Variants in VPS13B observed in about 807,000 individuals in gnomAD.
The protein encoded by VPS13B is vacuolar protein sorting 13 homolog B.
A neutral mutation model predicts 426.4 loss-of-function variants in VPS13B; 285 were observed. The observed-to-expected ratio is 0.67, with a 90% confidence interval of 0.61 to 0.74. The LOEUF is 0.74. Among genes scored for constraint, VPS13B ranks in the 30% least tolerant of loss-of-function variants. The pLI is 0.00. For missense variants in VPS13B, 4,537 were observed against 4,782.6 expected, an observed-to-expected ratio of 0.95 and a Z score of 1.51; for synonymous variants, 1,676 against 1,676.4, an observed-to-expected ratio of 1.00 and a Z score of 0.01.
intron 17 of VPS13B, among the ~76,000 whole-genome samples, chr8:99,219,410 G>T (rs969027119): frequency 6.6e-6 from 1 of 152,200 alleles, no homozygotes; most frequent in Non-Finnish European, 1.5e-5. Flanking sequence ...CTGCAGCTTG[G>T]CTTCAAGTGG....
chr8:99,813,272 TA>T (rs1813826833), intron 44 of VPS13B, among the ~76,000 whole-genome samples: 1 of 152,142 alleles, frequency 6.6e-6, no homozygotes, highest in South Asian at 2.1e-4. Flanking sequence ...AATGAGACTA[TA>T]AAAACCCACC....
Position 99,853,580 on chromosome 8 carries a change from T to G in VPS13B, c.10191T>G (p.Cys3397Trp). The change falls in exon 56 of 62, where the codon TGT becomes TGG. Residue 3397 changes from cysteine to tryptophan, a missense_variant. Physicochemically the swap from Cys to Trp is radical, Grantham distance 215. Transcript: ENST00000357162. ...TCACACTGGACAACATTTTTCTCTG[T>G]GTGGCCCCGGGAGCTGGTCCCCTCC... ...LRLTLDNIFL[C>W]VAPGAGPLPG... 1 of 1,614,206 alleles carries G rather than the reference T, an allele frequency of 6.2e-7. No homozygotes were observed. Among genetic ancestry groups the G allele is most frequent in the Non-Finnish European group, 8.5e-7 (1 of 1,180,034 alleles).
intron 3 of VPS13B, among the ~76,000 whole-genome samples, chr8:99,054,608 G>A (rs990473980): frequency 6.6e-6 from 1 of 152,040 alleles, no homozygotes; most frequent in Non-Finnish European, 1.5e-5. Context: ...TAGTGCTTTC[G>A]GTGTTATATC....
chr8:99,131,228 C>T (rs903075961), intron 8 of VPS13B, among the ~76,000 whole-genome samples: 4 of 152,092 alleles, frequency 2.6e-5, no homozygotes, highest in African/African-American at 9.7e-5. Flanking sequence ...TATGTTATCA[C>T]AGTATATTTG....
intron 35 of VPS13B, among the ~76,000 whole-genome samples, chr8:99,680,940 A>G (rs1015269889): frequency 1.3e-5 from 2 of 152,158 alleles, no homozygotes; most frequent in African/African-American, 2.4e-5. Flanking sequence ...ATTTTTATCA[A>G]TTTTTTAAAA....
Position 99,832,448 on chromosome 8 carries a change from C to T in VPS13B, c.9410C>T (p.Pro3137Leu), listed in dbSNP as rs1815131453. Reference sequence around the variant, plus strand: ...CCTGCTATGAAATCCAGCTCCCTTCCTTGCTGGGACTTGATGCCTGACATC... The same window carrying T: ...CCTGCTATGAAATCCAGCTCCCTTCTTTGCTGGGACTTGATGCCTGACATC... ...EQPAMKSSSL[P>L]CWDLMPDISQ... The change falls in exon 52 of 62, where the codon CCT becomes CTT. Residue 3137 changes from proline (P) to leucine (L), a missense_variant. Pro to Leu is a moderately conservative substitution (Grantham distance 98). Around this residue, in one of 2 missense-constraint regions of VPS13B, gnomAD observed 4,311 missense variants for 4,474.3 expected, o/e 0.96. Coordinates refer to ENST00000357162, the MANE Select transcript of VPS13B (RefSeq NM_152564.5). The T allele has an allele frequency of 1.9e-6, 3 of 1,604,292 alleles. No individual in the cohort carries two copies. The highest frequency in any genetic ancestry group is 2.7e-5 in the African/African-American group (2 of 73,412).
At chr8:99,463,119 A>T (rs1432504413) in intron 23 of VPS13B, among the ~76,000 whole-genome samples, 1 of 152,198 alleles carries the variant, frequency 6.6e-6, no homozygotes, top group Non-Finnish European at 1.5e-5. Flanking sequence ...CTGTTATAAT[A>T]TTCACATTTT....
chr8:99,536,688 T>TC (rs768982184), intron 30 of VPS13B: 1 of 534,574 alleles, frequency 1.9e-6, no homozygotes, highest in South Asian at 1.4e-5. Flanking sequence ...AGAATCCCTG[T>TC]CCCATGTCAG....
At position 99,737,206 on chromosome 8, in the gene VPS13B, C is replaced by T. The variant is rs372750451; in HGVS notation, c.7050+16159C>T. Among the ~76,000 whole-genome samples the T allele has an allele frequency of 2.8e-4, 39 of 141,738 alleles. 1 individual carries two copies. The highest frequency in any genetic ancestry group is 9.4e-4 in the African/African-American group (35 of 37,046). 93.0% of individuals were successfully genotyped at this position (141,738 alleles called of 152,430 possible). A position where few individuals can be genotyped will look rare whatever the true frequency, so the allele number is the denominator to read the frequency against. On this transcript the variant is annotated intron_variant, in intron 39 of 61. Transcript: ENST00000357162. ...CGCGATCTCTGCTCACTGCAAGCTC[C>T]GCCTCCCGGGTTCATGCCATTCTCC...
intron 17 of VPS13B, among the ~76,000 whole-genome samples, chr8:99,243,214 C>T (rs535526763): frequency 6.6e-6 from 1 of 152,238 alleles, no homozygotes; most frequent in Non-Finnish European, 1.5e-5. Context: ...AAACCAAGTA[C>T]CTCAATTTCC....
At chr8:99,653,274 G>T (rs550617395) in intron 34 of VPS13B, among the ~76,000 whole-genome samples, 2 of 152,284 alleles carry the variant, frequency 1.3e-5, no homozygotes, top group African/African-American at 4.8e-5. Context: ...TTTTAGACAC[G>T]AGGAAAAGAT....
chr8:99,030,155 T>TA (rs1554574348), intron 2 of VPS13B, among the ~76,000 whole-genome samples: 1 of 144,304 alleles, frequency 6.9e-6, no homozygotes, highest in Non-Finnish European at 1.5e-5. Context: ...TTTTTTTTTT[T>TA]ACTTAATAGT....
intron 3 of VPS13B, among the ~76,000 whole-genome samples, chr8:99,078,413 C>G (rs960517075): frequency 1.1e-4 from 17 of 151,496 alleles, no homozygotes; most frequent in African/African-American, 4.1e-4. Flanking sequence ...TGCATGATTT[C>G]TTTGGCTGGA....
chr8:99,710,867 TG>T (rs1419083442), intron 36 of VPS13B, among the ~76,000 whole-genome samples: 1 of 144,726 alleles, frequency 6.9e-6, no homozygotes, highest in Non-Finnish European at 1.5e-5. Flanking sequence ...CAGCTGGGCA[TG>T]GTGGTGTGTG....
chr8:99,389,310 T>A (rs984858329), intron 20 of VPS13B, among the ~76,000 whole-genome samples: 12 of 152,296 alleles, frequency 7.9e-5, no homozygotes, highest in African/African-American at 2.9e-4. Context: ...TCAGCTATTG[T>A]GCTTGAATTT....
rs757459511 is a variant in VPS13B at position 99,868,389 on chromosome 8, T to C, written c.11316T>C (p.Gly3772=). ...AGHKAKGVIS[G]VGKGIMGVFT... is the part of the protein sequence containing the mutation. Reference sequence around the variant, plus strand: ...ACAAGGCCAAGGGTGTCATCTCGGGTGTGGGGAAAGGAATCATGGGGGTGT... The same window carrying C: ...ACAAGGCCAAGGGTGTCATCTCGGGCGTGGGGAAAGGAATCATGGGGGTGT... Residue 3772 remains glycine, a synonymous_variant, in exon 59 of 62, where the codon GGT becomes GGC. Coordinates refer to ENST00000357162, the MANE Select transcript of VPS13B (RefSeq NM_152564.5). 6.2e-7 allele frequency: 1 copy of C among 1,613,960 alleles called. No individual in the cohort carries two copies. The highest frequency in any genetic ancestry group is 1.1e-5 in the South Asian group (1 of 91,058).
chr8:99,188,868 T>C (rs1813378904), intron 16 of VPS13B, among the ~76,000 whole-genome samples: 1 of 152,226 alleles, frequency 6.6e-6, no homozygotes, highest in Non-Finnish European at 1.5e-5. Flanking sequence ...GTATATCTTC[T>C]TTGTCAAGTG....
chr8:99,625,071 C>T (rs527435558), intron 33 of VPS13B, among the ~76,000 whole-genome samples: 4 of 151,990 alleles, frequency 2.6e-5, no homozygotes, highest in South Asian at 2.1e-4. Context: ...GTGATCCACC[C>T]GCCTCAGCCT....
intron 17 of VPS13B, among the ~76,000 whole-genome samples, chr8:99,271,311 G>A (rs1462671124): frequency 6.6e-6 from 1 of 151,804 alleles, no homozygotes; most frequent in African/African-American, 2.4e-5. Flanking sequence ...AATTTCCTGA[G>A]ACATGAATTT....
Sources: allele counts gnomAD v4.1 joint callset (sites outside exome capture counted in the v4.1 genomes callset), GRCh38; gene constraint gnomAD v4.1.1; regional missense constraint gnomAD v4.1.1; transcripts MANE v1.5; gene names NCBI Gene and HGNC (gene_info 2026-07-23, HGNC 2026-07-21).